The following AMMECR1 variants were observed in gnomAD, a reference collection of about 807,000 sequenced individuals.
AMMECR1 encodes nuclear protein AMMECR1.
In AMMECR1, 3 loss-of-function variants were observed where a neutral mutation model predicts 22.5. The observed-to-expected ratio is 0.13, with a 90% CI of 0.06 to 0.35. The LOEUF (loss-of-function observed/expected upper bound fraction) is 0.35, where lower values mean the gene tolerates loss of function less well. Among genes scored for constraint, AMMECR1 ranks in the 10% least tolerant of loss-of-function variants. The probability of loss-of-function intolerance (pLI) is 1.00; values close to 1 mark genes in which losing one functional copy is unlikely to be tolerated. For synonymous variants in AMMECR1, 130 were observed against 116.7 expected, an observed-to-expected ratio of 1.11 and a Z score of -0.74; for missense variants, 235 against 278.7, an observed-to-expected ratio of 0.84 and a Z score of 1.12.
At chrX:110,248,015 T>C (rs1602824899) in intron 2 of AMMECR1, among the ~76,000 whole-genome samples, 2 of 112,098 alleles carry the variant, frequency 1.8e-5, no homozygotes. Context: ...ACTTGTATAC[T>C]ACAGAAAGCA....
intron 2 of AMMECR1, among the ~76,000 whole-genome samples, chrX:110,424,615 T>A (rs2068741122): frequency 8.9e-6 from 1 of 112,355 alleles, no homozygotes; most frequent in African/African-American, 3.2e-5. Context: ...CCTGGAGTTG[T>A]TCATAAGACC....
At chrX:110,303,652 T>C (rs1041087391) in intron 1 of AMMECR1, among the ~76,000 whole-genome samples, 1 of 112,064 alleles carries the variant, frequency 8.9e-6, no homozygotes, top group Non-Finnish European at 1.9e-5. Context: ...ACTACCACTA[T>C]TTTAACATCT....
Position 110,307,864 on chromosome X carries a change from CTTTTTTTTTTT to C in AMMECR1, c.473+9724_473+9734del, listed in dbSNP as rs1162615101. Among the ~76,000 whole-genome samples, 18 of 63,612 alleles carry C rather than the reference CTTTTTTTTTTT, an allele frequency of 2.8e-4. No homozygotes were observed. The South Asian group carries it at 7.5e-3, about 26-fold the overall frequency. The allele number at this position is 63,612 out of a possible 115,157, so 55.2% of individuals were successfully genotyped here. A position where few individuals can be genotyped will look rare whatever the true frequency, so the allele number is the denominator to read the frequency against. ...GCTTCTGCTAGAAACTTTTTTTTTT[CTTTTTTTTTTT>C]TTTTTTTTTTTTGAGACATGGTCTG... On this transcript the variant is annotated intron_variant, in intron 1 of 5. Transcript: ENST00000262844.
chrX:110,207,842 A>G (rs1257774241), intron 3 of AMMECR1, among the ~76,000 whole-genome samples: 1 of 111,775 alleles, frequency 8.9e-6, no homozygotes, highest in Non-Finnish European at 1.9e-5. Flanking sequence ...TTACAAAAAA[A>G]TTCCCTTTAG....
chrX:110,359,669 G>A (rs940801859), intron 2 of AMMECR1, among the ~76,000 whole-genome samples: 5 of 111,605 alleles, frequency 4.5e-5, no homozygotes, highest in African/African-American at 1.3e-4. Flanking sequence ...TATACTGAGT[G>A]TCTTACTGTA....
chrX:110,211,472 C>T (rs2067447757), intron 3 of AMMECR1, among the ~76,000 whole-genome samples: 1 of 112,087 alleles, frequency 8.9e-6, no homozygotes, highest in Non-Finnish European at 1.9e-5. Flanking sequence ...CAGTTTAACT[C>T]TACAAGTTCC....
chrX:110,201,411 T>C (rs1032168419), intron 4 of AMMECR1, among the ~76,000 whole-genome samples: 10 of 111,927 alleles, frequency 8.9e-5, no homozygotes, highest in African/African-American at 1.6e-4. Context: ...GAAAAGCCTA[T>C]ATGCCATTTT....
intron 2 of AMMECR1, among the ~76,000 whole-genome samples, chrX:110,329,640 C>T (rs981147855): frequency 9.0e-6 from 1 of 111,178 alleles, no homozygotes; most frequent in Admixed American, 9.6e-5. Context: ...TTTTTTAAAC[C>T]GTTAATACTT....
At chrX:110,304,818 C>T (rs995085529) in intron 1 of AMMECR1, among the ~76,000 whole-genome samples, 1 of 112,116 alleles carries the variant, frequency 8.9e-6, no homozygotes, top group Non-Finnish European at 1.9e-5. Context: ...GGTTCTCCCC[C>T]ACTTCAACCT....
chrX:110,208,507 T>C (rs1006494184), intron 3 of AMMECR1, among the ~76,000 whole-genome samples: 10 of 111,953 alleles, frequency 8.9e-5, no homozygotes, highest in Non-Finnish European at 1.3e-4. Context: ...ACCAAAGGAC[T>C]AATTAGGGCC....
intron 3 of AMMECR1, among the ~76,000 whole-genome samples, chrX:110,204,870 T>C (rs1195273498): frequency 9.0e-6 from 1 of 111,576 alleles, no homozygotes; most frequent in Non-Finnish European, 1.9e-5. Context: ...ACCATCAAAT[T>C]TGATAAGAAA....
chrX:110,290,827 C>A (rs1189920596), intron 1 of AMMECR1, among the ~76,000 whole-genome samples: 4 of 111,511 alleles, frequency 3.6e-5, no homozygotes, highest in Non-Finnish European at 5.6e-5. Context: ...GTCACAAGTT[C>A]TACTACCCCG....
At chrX:110,209,938 G>C (rs2067439355) in intron 3 of AMMECR1, among the ~76,000 whole-genome samples, 1 of 110,148 alleles carries the variant, frequency 9.1e-6, no homozygotes, top group African/African-American at 3.3e-5. Flanking sequence ...AAAGTACTAG[G>C]GAAGGGGCAG....
rs757966825 is a variant in AMMECR1 at position 110,229,128 on chromosome X, C to T, written c.585-12496G>A. ...CTTGATGTACTGCTAAAGTCTCATA[C>T]GTTAAGCAAACCTACTTTCCAATCT... On this transcript the variant is annotated intron_variant, in intron 2 of 5. Coordinates refer to ENST00000262844, the MANE Select transcript of AMMECR1 (RefSeq NM_015365.3). Among the ~76,000 whole-genome samples the T allele has an allele frequency of 6.2e-5, 7 of 112,449 alleles. No homozygotes were observed. The South Asian group carries it at 2.2e-3, about 36-fold the overall frequency.
chrX:110,340,358 T>G (rs1439254770), intron 2 of AMMECR1, among the ~76,000 whole-genome samples: 1 of 112,117 alleles, frequency 8.9e-6, no homozygotes, highest in Non-Finnish European at 1.9e-5. Flanking sequence ...AAATAGAAAC[T>G]CAGTCTCTCC....
chrX:110,416,460 G>A (rs1363209453), intron 2 of AMMECR1, among the ~76,000 whole-genome samples: 2 of 111,690 alleles, frequency 1.8e-5, no homozygotes, highest in Non-Finnish European at 3.8e-5. Context: ...CATATGACAG[G>A]TGGGAAAATG....
chrX:110,387,387 T>C (rs2068463099), intron 2 of AMMECR1, among the ~76,000 whole-genome samples: 1 of 112,146 alleles, frequency 8.9e-6, no homozygotes, highest in African/African-American at 3.2e-5. Context: ...AAATTTCACA[T>C]AAAATATTAA....
intron 2 of AMMECR1, among the ~76,000 whole-genome samples, chrX:110,218,663 CA>C (rs764131228): frequency 1.3e-3 from 138 of 109,834 alleles, no homozygotes; most frequent in African/African-American, 4.2e-3. Context: ...ATTCACATAC[CA>C]CAAAATTCAC....
chrX:110,248,240 G>T (rs1243292119), intron 2 of AMMECR1, among the ~76,000 whole-genome samples: 1 of 110,474 alleles, frequency 9.1e-6, no homozygotes, highest in African/African-American at 3.3e-5. Context: ...TAAAAATTTT[G>T]CTGGGTATAG....
Sources: gnomAD v4.1 joint callset for allele counts (sites outside exome capture counted in the v4.1 genomes callset) on GRCh38, gnomAD v4.1.1 for gene constraint, MANE v1.5 for transcripts, NCBI Gene and HGNC (gene_info 2026-07-23, HGNC 2026-07-21) for gene names.